ERC1: variants seen among roughly 807,000 people sequenced by gnomAD.
The protein encoded by ERC1 is RAB6 interacting protein 2.
A neutral mutation model predicts 132.0 loss-of-function variants in ERC1; 56 were observed. The observed-to-expected ratio is 0.42, with a 90% CI of 0.34 to 0.53. ERC1 has a LOEUF of 0.53. ERC1 is among the 20% of genes least tolerant of loss of function. The probability of loss-of-function intolerance (pLI) is 0.03; values close to 1 mark genes in which losing one functional copy is unlikely to be tolerated. For synonymous variants in ERC1, 478 were observed against 476.1 expected (o/e 1.00, Z -0.05); for missense variants, 1,202 against 1,349.9 (o/e 0.89, Z 1.72).
intron 16 of ERC1, among the ~76,000 whole-genome samples, chr12:1,379,809 A>G (rs2088417892): frequency 6.6e-6 from 1 of 152,158 alleles, no homozygotes; most frequent in Non-Finnish European, 1.5e-5. Flanking sequence ...GAAGTGACAT[A>G]CCATCACTTC....
intron 1 of ERC1, among the ~76,000 whole-genome samples, chr12:1,017,495 ATTTTT>A (rs67654163): frequency 8.0e-6 from 1 of 124,902 alleles, no homozygotes. Context: ...TTGTTCTGGT[ATTTTT>A]TTTTTTTTTT....
chr12:1,489,272 C>T (rs528954340), intron 18 of ERC1, among the ~76,000 whole-genome samples: 1 of 152,324 alleles, frequency 6.6e-6, no homozygotes, highest in South Asian at 2.1e-4. Context: ...CAGACGGACT[C>T]TAGTCAGCTC....
At chr12:1,307,630 C>T (rs185206580) in intron 15 of ERC1, among the ~76,000 whole-genome samples, 9 of 152,216 alleles carry the variant, frequency 5.9e-5, no homozygotes, top group East Asian at 5.8e-4. Context: ...AACTAATGCC[C>T]GAGCGCCCCT....
intron 2 of ERC1, among the ~76,000 whole-genome samples, chr12:1,066,677 A>G (rs146122744): frequency 1.9e-3 from 294 of 152,220 alleles, no homozygotes; most frequent in African/African-American, 6.9e-3. Context: ...TCTCTACTAA[A>G]AATAGAAAAA....
At chr12:1,054,406 C>T (rs142641849) in intron 2 of ERC1, among the ~76,000 whole-genome samples, 6 of 152,032 alleles carry the variant, frequency 3.9e-5, no homozygotes, top group East Asian at 1.9e-4. Flanking sequence ...AACATACTTA[C>T]ATTTCACTAG....
At chr12:1,163,984 G>T (rs1952118381) in intron 8 of ERC1, among the ~76,000 whole-genome samples, 1 of 152,186 alleles carries the variant, frequency 6.6e-6, no homozygotes, top group Non-Finnish European at 1.5e-5. Context: ...CTGAAGTGCT[G>T]GATTACGGGC....
intron 18 of ERC1, among the ~76,000 whole-genome samples, chr12:1,475,856 T>A (rs1447520834): frequency 6.6e-6 from 1 of 151,760 alleles, no homozygotes; most frequent in Non-Finnish European, 1.5e-5. Flanking sequence ...CTAGGCTAGA[T>A]GTGGTGGCTC....
intron 16 of ERC1, among the ~76,000 whole-genome samples, chr12:1,396,961 G>C (rs2090595897): frequency 6.6e-6 from 1 of 152,152 alleles, no homozygotes; most frequent in Admixed American, 6.5e-5. Context: ...AAGGAGCCCA[G>C]AGTCAGCTCT....
chr12:1,132,541 A>G (rs1217742072), intron 7 of ERC1, among the ~76,000 whole-genome samples: 1 of 152,102 alleles, frequency 6.6e-6, no homozygotes. Flanking sequence ...TAACTGAATC[A>G]TGGATCCAAT....
chr12:1,185,935 G>T (rs1955043683), intron 11 of ERC1, among the ~76,000 whole-genome samples: 1 of 151,924 alleles, frequency 6.6e-6, no homozygotes, highest in African/African-American at 2.4e-5. Context: ...ACCAGTTTAG[G>T]GTACAGTTTC....
intron 16 of ERC1, among the ~76,000 whole-genome samples, chr12:1,389,784 A>G (rs963652169): frequency 1.3e-5 from 2 of 152,248 alleles, no homozygotes; most frequent in Non-Finnish European, 2.9e-5. Context: ...CACTCCCTCA[A>G]GAAAAGAATT....
chr12:1,213,455 G>A (rs538957684), intron 12 of ERC1, among the ~76,000 whole-genome samples: 11 of 152,194 alleles, frequency 7.2e-5, no homozygotes, highest in Middle Eastern at 6.8e-3. Flanking sequence ...TGAGTTTTAA[G>A]ACCGGGTGCG....
At chr12:1,246,143 G>A (rs938753233) in intron 13 of ERC1, among the ~76,000 whole-genome samples, 3 of 151,914 alleles carry the variant, frequency 2.0e-5, no homozygotes, top group Admixed American at 6.6e-5. Flanking sequence ...ATCCCATGTC[G>A]TAGATTTATA....
At chr12:1,280,651 C>T (rs924294488) in intron 14 of ERC1, among the ~76,000 whole-genome samples, 1 of 152,152 alleles carries the variant, frequency 6.6e-6, no homozygotes, top group Non-Finnish European at 1.5e-5. Flanking sequence ...GGGTTTTAGT[C>T]GCTTACAAAG....
chr12:1,073,937 A>G (rs11837382), intron 2 of ERC1, among the ~76,000 whole-genome samples: 33,346 of 127,602 alleles, frequency 0.26, 4,188 homozygotes, highest in Middle Eastern at 0.42. Context: ...CATGATCTCC[A>G]CTCACTGCAA....
chr12:1,312,394 C>T lies in ERC1; in HGVS notation c.2780+22382C>T, dbSNP rs184023751. Among the ~76,000 whole-genome samples, 117 of 151,676 alleles carry T rather than the reference C, an allele frequency of 7.7e-4. 1 individual carries two copies. Among genetic ancestry groups the T allele is most frequent in the Admixed American group, 2.4e-3 (36 of 15,254 alleles). On this transcript the variant is annotated intron_variant, in intron 15 of 18. Transcript: ENST00000360905. Reference sequence around the variant, plus strand: ...GAGAAGTAAAGCAATTTTTTTTTTCCTCTGTCACCCAGGCTGGAATGCAGT... The same window carrying T: ...GAGAAGTAAAGCAATTTTTTTTTTCTTCTGTCACCCAGGCTGGAATGCAGT...
intron 12 of ERC1, among the ~76,000 whole-genome samples, chr12:1,198,678 G>A (rs566588529): frequency 5.0e-4 from 76 of 152,206 alleles, no homozygotes; most frequent in African/African-American, 1.6e-3. Context: ...ATGTTTCTGC[G>A]GGCTGTACAG....
intron 15 of ERC1, among the ~76,000 whole-genome samples, chr12:1,317,587 T>G (rs2081851613): frequency 6.6e-6 from 1 of 151,850 alleles, no homozygotes; most frequent in African/African-American, 2.4e-5. Flanking sequence ...ATTGCTGCTG[T>G]TGAATTAGGT....
chr12:1,327,740 C>G (rs1024669936), intron 15 of ERC1, among the ~76,000 whole-genome samples: 3 of 152,198 alleles, frequency 2.0e-5, no homozygotes, highest in Admixed American at 2.0e-4. Context: ...TACTCTAGCC[C>G]ATATCTCTGT....
Sources: gnomAD v4.1 joint callset for allele counts (sites outside exome capture counted in the v4.1 genomes callset) on GRCh38, gnomAD v4.1.1 for gene constraint, MANE v1.5 for transcripts, NCBI Gene and HGNC (gene_info 2026-07-23, HGNC 2026-07-21) for gene names.